Variants in CDH4 observed in about 807,000 individuals in gnomAD.
The protein encoded by CDH4 is cadherin 4.
CDH4 carries 33 observed loss-of-function variants against 86.0 expected under a neutral mutation model. The observed-to-expected ratio is 0.38, with a 90% CI of 0.29 to 0.51. CDH4 has a LOEUF of 0.51. Ranked by LOEUF, CDH4 falls within the 20% of genes least tolerant of loss-of-function variation. The probability of loss-of-function intolerance (pLI) is 0.86; values close to 1 mark genes in which losing one functional copy is unlikely to be tolerated. For missense variants in CDH4, 1,114 were observed against 1,307.4 expected (o/e 0.85, Z 2.28); for synonymous variants, 555 against 549.4 (o/e 1.01, Z -0.14).
intron 6 of CDH4, among the ~76,000 whole-genome samples, chr20:61,873,153 G>C (rs1426329577): frequency 6.6e-6 from 1 of 152,184 alleles, no homozygotes; most frequent in African/African-American, 2.4e-5. Context: ...CCAGTCCCAG[G>C]GCGCCCCCAG....
chr20:61,615,059 A>G (rs1192133750), intron 2 of CDH4, among the ~76,000 whole-genome samples: 1 of 152,108 alleles, frequency 6.6e-6, no homozygotes, highest in Non-Finnish European at 1.5e-5. Flanking sequence ...TCTTCTGGCC[A>G]AGTTAGAGTT....
chr20:61,560,609 C>G (rs533541484), intron 2 of CDH4, among the ~76,000 whole-genome samples: 73 of 152,330 alleles, frequency 4.8e-4, no homozygotes, highest in African/African-American at 1.4e-3. Flanking sequence ...ATGTGGAAGA[C>G]AAAGGTCACA....
chr20:61,306,318 C>T lies in CDH4; in HGVS notation c.169+51381C>T, dbSNP rs117945980. Among the ~76,000 whole-genome samples the T allele has an allele frequency of 5.6e-4, 82 of 146,452 alleles. No homozygotes were observed. The East Asian group carries it at 0.015, about 27-fold the overall frequency. Reference sequence around the variant, plus strand: ...TGGCTGATTTGCTACTGAGTGATGCCGGTAAGTTTTCTTTTTTCTTTCTTT... The same window carrying T: ...TGGCTGATTTGCTACTGAGTGATGCTGGTAAGTTTTCTTTTTTCTTTCTTT... On this transcript the variant is annotated intron_variant, in intron 2 of 15. Transcript: ENST00000614565.
At chr20:61,736,079 C>T (rs73316163) in intron 2 of CDH4, among the ~76,000 whole-genome samples, 2 of 152,128 alleles carry the variant, frequency 1.3e-5, no homozygotes, top group African/African-American at 4.8e-5. Flanking sequence ...GGGTGCCCCC[C>T]ACTCCTGTGC....
intron 2 of CDH4, 23 bp from the exon 3 acceptor site, chr20:61,743,540 A>C (rs1434410100): frequency 6.5e-7 from 1 of 1,544,504 alleles, no homozygotes; most frequent in Admixed American, 2.0e-5. Flanking sequence ...GCCGACCCTG[A>C]CTCTCTCCCC....
At chr20:61,779,301 G>T (rs1978407456) in intron 4 of CDH4, among the ~76,000 whole-genome samples, 1 of 152,198 alleles carries the variant, frequency 6.6e-6, no homozygotes, top group African/African-American at 2.4e-5. Flanking sequence ...TTTGGCAGTT[G>T]ATATTTTAGA....
intron 2 of CDH4, among the ~76,000 whole-genome samples, chr20:61,599,400 G>A (rs2086580869): frequency 6.6e-6 from 1 of 152,190 alleles, no homozygotes; most frequent in Admixed American, 6.5e-5. Context: ...GCCAGGCCTC[G>A]GCCCTGCCCT....
chr20:61,413,791 C>T (rs908201952), intron 2 of CDH4, among the ~76,000 whole-genome samples: 8 of 152,168 alleles, frequency 5.3e-5, no homozygotes, highest in East Asian at 3.9e-4. Flanking sequence ...CAGGGTCATC[C>T]CCTGTGGCCA....
chr20:61,414,330 T>G (rs2085135377), intron 2 of CDH4, among the ~76,000 whole-genome samples: 1 of 152,146 alleles, frequency 6.6e-6, no homozygotes, highest in Non-Finnish European at 1.5e-5. Context: ...GTGGGTGTCA[T>G]TGGTAGAGGA....
At position 61,830,640 on chromosome 20, in the gene CDH4, G is replaced by C. The variant is rs140648297; in HGVS notation, c.577-14028G>C. 7.2e-5 allele frequency among the ~76,000 whole-genome samples: 11 copies of C among 152,324 alleles called. 1 individual carries two copies. The South Asian group carries it at 1.7e-3, about 23-fold the overall frequency. On this transcript the variant is annotated intron_variant, in intron 4 of 15. Coordinates refer to ENST00000614565, the MANE Select transcript of CDH4 (RefSeq NM_001794.5). ...CAACAGACGCCCTAGCGTGTGCTCC[G>C]GAGAGACACTGAAATGAACTTGGTC...
intron 2 of CDH4, among the ~76,000 whole-genome samples, chr20:61,462,163 A>G (rs547774867): frequency 1.3e-5 from 2 of 152,324 alleles, no homozygotes; most frequent in South Asian, 4.1e-4. Context: ...GCATGGTAAG[A>G]AGGGTATTTG....
intron 2 of CDH4, among the ~76,000 whole-genome samples, chr20:61,409,995 A>G (rs367803560): frequency 3.9e-5 from 6 of 152,220 alleles, no homozygotes; most frequent in African/African-American, 1.4e-4. Flanking sequence ...AGAAAAGTGA[A>G]GTGGCCTGCC....
chr20:61,792,697 CT>C (rs1168890799), intron 4 of CDH4, among the ~76,000 whole-genome samples: 1 of 151,728 alleles, frequency 6.6e-6, no homozygotes, highest in African/African-American at 2.4e-5. Flanking sequence ...ATGGCCCGGG[CT>C]GGAGTGTTGT....
At chr20:61,884,281 C>G (rs1252814106) in intron 7 of CDH4, among the ~76,000 whole-genome samples, 1 of 152,182 alleles carries the variant, frequency 6.6e-6, no homozygotes, top group African/African-American at 2.4e-5. Context: ...ACGTCACTGT[C>G]CTGGCTGTGC....
At chr20:61,504,267 T>C (rs531232402) in intron 2 of CDH4, among the ~76,000 whole-genome samples, 1 of 152,346 alleles carries the variant, frequency 6.6e-6, no homozygotes, top group South Asian at 2.1e-4. Flanking sequence ...TGTCTTCCTA[T>C]GGCTGAGGCT....
At chr20:61,833,089 G>A (rs931509661) in intron 4 of CDH4, among the ~76,000 whole-genome samples, 3 of 152,020 alleles carry the variant, frequency 2.0e-5, no homozygotes, top group South Asian at 4.1e-4. Flanking sequence ...ACTGAGCACG[G>A]TACTCAGCCC....
At chr20:61,461,461 T>C (rs1439782095) in intron 2 of CDH4, among the ~76,000 whole-genome samples, 2 of 152,100 alleles carry the variant, frequency 1.3e-5, no homozygotes, top group East Asian at 3.9e-4. Flanking sequence ...TAAAAGTGAC[T>C]CGGCTTCCGC....
At position 61,902,259 on chromosome 20, in the gene CDH4, G is replaced by C. The variant is rs1413420498; in HGVS notation, c.1188+7212G>C. Among the ~76,000 whole-genome samples, 1 of 152,246 alleles carries C rather than the reference G, an allele frequency of 6.6e-6. No individual in the cohort carries two copies. Among genetic ancestry groups the C allele is most frequent in the African/African-American group, 2.4e-5 (1 of 41,474 alleles). On this transcript the variant is annotated intron_variant, in intron 8 of 15. Coordinates refer to ENST00000614565, the MANE Select transcript of CDH4 (RefSeq NM_001794.5). The surrounding 1 kb of genome is among the most constrained non-coding windows in gnomAD (Gnocchi z 4.6). ...GATGAACGATGCAGAGGCAGAAAAG[G>C]TCAAGCCGGGGCCTCTGAAACCAGG...
At chr20:61,877,580 G>A (rs956162270) in intron 7 of CDH4, among the ~76,000 whole-genome samples, 56 of 152,166 alleles carry the variant, frequency 3.7e-4, no homozygotes, top group Admixed American at 2.0e-4. Flanking sequence ...GGGAGGCCCC[G>A]TCTGGTGCAT....
Sources: gnomAD v4.1 joint callset for allele counts (sites outside exome capture counted in the v4.1 genomes callset) on GRCh38, gnomAD v4.1.1 for gene constraint, Gnocchi (gnomAD v3.1) non-coding constraint, MANE v1.5 for transcripts, NCBI Gene and HGNC (gene_info 2026-07-23, HGNC 2026-07-21) for gene names.